Variants in KSR2 observed in about 807,000 individuals in gnomAD.
The protein encoded by KSR2 is kinase suppressor of ras 2.
Under a neutral mutation model 107.8 loss-of-function variants are expected in KSR2, and 25 were observed. The observed-to-expected ratio is 0.23, with a 90% CI of 0.17 to 0.32. The LOEUF (loss-of-function observed/expected upper bound fraction) is 0.32. Ranked by LOEUF, KSR2 falls within the 10% of genes least tolerant of loss-of-function variation. The probability of loss-of-function intolerance (pLI) is 1.00; values close to 1 mark genes in which losing one functional copy is unlikely to be tolerated. For synonymous variants in KSR2, 480 were observed against 507.0 expected (o/e 0.95, Z 0.71); for missense variants, 887 against 1,268.9 (o/e 0.70, Z 4.57).
At chr12:117,779,414 C>T (rs1160480824) in intron 3 of KSR2, among the ~76,000 whole-genome samples, 1 of 152,208 alleles carries the variant, frequency 6.6e-6, no homozygotes, top group African/African-American at 2.4e-5. Flanking sequence ...CCTCTCTGAA[C>T]TTCAGTTCAT....
intron 3 of KSR2, among the ~76,000 whole-genome samples, chr12:117,799,960 A>G (rs1741082164): frequency 6.6e-6 from 1 of 152,232 alleles, no homozygotes; most frequent in South Asian, 2.1e-4. Context: ...TCTTAGCCCT[A>G]TGAAACGAGG....
At chr12:117,695,212 A>G (rs1356000338) in intron 4 of KSR2, among the ~76,000 whole-genome samples, 29 of 152,064 alleles carry the variant, frequency 1.9e-4, no homozygotes, top group Admixed American at 1.9e-3. Flanking sequence ...AAATAGAGTG[A>G]TGGTTGGCCA....
intron 3 of KSR2, among the ~76,000 whole-genome samples, chr12:117,767,300 G>C (rs555855082): frequency 1.3e-5 from 2 of 151,344 alleles, no homozygotes; most frequent in Admixed American, 1.3e-4. Flanking sequence ...TGGCGGGCGC[G>C]TGTAGTCCCA....
At chr12:117,848,847 GTGA>G (rs746597045) in intron 3 of KSR2, among the ~76,000 whole-genome samples, 1 of 151,240 alleles carries the variant, frequency 6.6e-6, no homozygotes, top group African/African-American at 2.4e-5. Flanking sequence ...GGTGGTGATG[GTGA>G]TGATGGTGAT....
At chr12:117,618,948 T>G (rs1233168780) in intron 5 of KSR2, among the ~76,000 whole-genome samples, 1 of 152,184 alleles carries the variant, frequency 6.6e-6, no homozygotes, top group Non-Finnish European at 1.5e-5. Context: ...TAAAAATATA[T>G]TTTATCCAGC....
intron 3 of KSR2, among the ~76,000 whole-genome samples, chr12:117,786,004 AC>A (rs918703290): frequency 6.6e-6 from 1 of 152,158 alleles, no homozygotes; most frequent in Non-Finnish European, 1.5e-5. Flanking sequence ...CTCAAAGAAA[AC>A]CACGCCTAGG....
At chr12:117,512,205 G>A (rs997565477) in intron 14 of KSR2, among the ~76,000 whole-genome samples, 2 of 152,162 alleles carry the variant, frequency 1.3e-5, no homozygotes, top group South Asian at 2.1e-4. Context: ...TCTGAGGGAC[G>A]TTTTTCTAGT....
intron 6 of KSR2, 73 bp from the exon 7 acceptor site, chr12:117,579,275 C>T: frequency 9.7e-7 from 1 of 1,032,646 alleles, no homozygotes; most frequent in Non-Finnish European, 1.5e-6. Flanking sequence ...GGATGAAGTA[C>T]TTGAAGAGCA....
intron 5 of KSR2, among the ~76,000 whole-genome samples, chr12:117,617,916 A>G (rs1201356491): frequency 6.6e-6 from 1 of 152,224 alleles, no homozygotes; most frequent in Non-Finnish European, 1.5e-5. Context: ...CCAGAACACA[A>G]GAATTAAGAA....
At chr12:117,731,049 G>C (rs1040268891) in intron 4 of KSR2, among the ~76,000 whole-genome samples, 3 of 151,694 alleles carry the variant, frequency 2.0e-5, no homozygotes, top group Admixed American at 2.0e-4. Flanking sequence ...CCGCCATCCC[G>C]TCTAGGAAGT....
At chr12:117,771,012 G>A (rs6490153) in intron 3 of KSR2, among the ~76,000 whole-genome samples, 18,745 of 148,932 alleles carry the variant, frequency 0.13, 2,112 homozygotes, top group African/African-American at 0.31. Flanking sequence ...TTATCAACAA[G>A]TAATGCTATA....
intron 5 of KSR2, among the ~76,000 whole-genome samples, chr12:117,639,135 T>A (rs2136397375): frequency 6.6e-6 from 1 of 152,282 alleles, no homozygotes; most frequent in Admixed American, 6.5e-5. Context: ...TATTTTCATC[T>A]TGATATCTGA....
chr12:117,542,121 A>C (rs1055559604), intron 9 of KSR2, among the ~76,000 whole-genome samples: 3 of 152,042 alleles, frequency 2.0e-5, no homozygotes, highest in African/African-American at 7.2e-5. Flanking sequence ...TCTTGGGCTC[A>C]TGCGATCTGA....
At chr12:117,511,154 A>G (rs1874000124) in intron 14 of KSR2, among the ~76,000 whole-genome samples, 1 of 152,210 alleles carries the variant, frequency 6.6e-6, no homozygotes, top group Admixed American at 6.5e-5. Flanking sequence ...GACCCAGAAC[A>G]ACTAGCAAAC....
chr12:117,967,940 G>A (rs943486725), intron 1 of KSR2, 136 bp downstream of exon 1: 43 of 741,646 alleles, frequency 5.8e-5, no homozygotes, highest in Non-Finnish European at 3.8e-5. Context: ...TGCCCACCTT[G>A]CTTGCCCACA....
intron 3 of KSR2, among the ~76,000 whole-genome samples, chr12:117,853,547 G>A (rs1449079588): frequency 2.0e-5 from 3 of 151,994 alleles, no homozygotes; most frequent in African/African-American, 4.8e-5. Flanking sequence ...TCTTTATGTT[G>A]CCCAGGCTGG....
intron 5 of KSR2, among the ~76,000 whole-genome samples, chr12:117,635,432 A>G (rs895254949): frequency 1.3e-5 from 2 of 152,224 alleles, no homozygotes; most frequent in South Asian, 4.1e-4. Flanking sequence ...CTAGTGAGAT[A>G]AAAGAAAAGG....
intron 3 of KSR2, among the ~76,000 whole-genome samples, chr12:117,849,135 G>C (rs986012059): frequency 2.6e-5 from 4 of 152,132 alleles, no homozygotes; most frequent in African/African-American, 4.8e-5. Flanking sequence ...AAAGAGAACG[G>C]AGGCTGCCCT....
intron 5 of KSR2, among the ~76,000 whole-genome samples, chr12:117,615,191 G>A (rs1195892303): frequency 6.6e-6 from 1 of 150,534 alleles, no homozygotes; most frequent in Non-Finnish European, 1.5e-5. Flanking sequence ...TCCTGAGGAA[G>A]CATGTTCCCT....
Sources: allele counts gnomAD v4.1 joint callset (sites outside exome capture counted in the v4.1 genomes callset), GRCh38; gene constraint gnomAD v4.1.1; transcripts MANE v1.5; gene names NCBI Gene and HGNC (gene_info 2026-07-23, HGNC 2026-07-21).